Variants in SCNN1B observed in about 807,000 individuals in gnomAD.
SCNN1B encodes the protein sodium channel epithelial 1 subunit beta, also known as epithelial sodium channel subunit beta.
SCNN1B carries 46 observed loss-of-function variants against 65.3 expected under a neutral mutation model. The observed-to-expected ratio is 0.70, with a 90% CI of 0.56 to 0.90. The LOEUF is 0.90. Among genes scored for constraint, SCNN1B ranks in the 40% least tolerant of loss-of-function variants. The probability of loss-of-function intolerance (pLI) is 0.00; values close to 1 mark genes in which losing one functional copy is unlikely to be tolerated. For missense variants in SCNN1B, 751 were observed against 830.5 expected (o/e 0.90, Z 1.18); for synonymous variants, 349 against 330.6 (o/e 1.06, Z -0.60).
chr16:23,352,677 C>A, intron 2 of SCNN1B, 124 bp from the exon 3 acceptor site: 1 of 1,045,126 alleles, frequency 9.6e-7, no homozygotes, highest in African/African-American at 1.6e-5. Flanking sequence ...ATAAATTACC[C>A]AGTCTCAGGT....
intron 8 of SCNN1B, 110 bp from the exon 9 acceptor site, chr16:23,377,055 C>T: frequency 1.0e-6 from 1 of 972,780 alleles, no homozygotes; most frequent in Non-Finnish European, 1.6e-6. Context: ...CTCCTGCCAC[C>T]TAACCACAGG....
intron 7 of SCNN1B, 50 bp from the exon 8 acceptor site, chr16:23,375,688 T>A (rs370294425): frequency 1.8e-5 from 23 of 1,304,942 alleles, no homozygotes; most frequent in Non-Finnish European, 2.5e-5. Flanking sequence ...AATGGGGACA[T>A]CACTGACCAT....
rs1331627063 is a variant in SCNN1B, at chr16:23,348,959, C to T, written c.311+49C>T. On this transcript the variant is annotated intron_variant, in intron 2 of 12. Transcript: ENST00000343070. The surrounding 1 kb of genome is among the most constrained non-coding windows in gnomAD (Gnocchi z 4.5). ...CTGGCCTCAGCAGACAGGCGGTTCT[C>T]TTTCTCTCTTTTCTTCCCTTCTACC... The T allele has an allele frequency of 6.8e-7, 1 of 1,471,802 alleles. No homozygotes were observed. Among genetic ancestry groups the T allele is most frequent in the Non-Finnish European group, 9.5e-7 (1 of 1,051,424 alleles). The allele number at this position is 1,471,802 out of a possible 1,614,324, so 91.2% of individuals were successfully genotyped here.
At chr16:23,373,014 A>G (rs1388962985) in intron 7 of SCNN1B, among the ~76,000 whole-genome samples, 1 of 151,932 alleles carries the variant, frequency 6.6e-6, no homozygotes, top group African/African-American at 2.4e-5. Flanking sequence ...GGCTGAGGCA[A>G]GAGAATTGCT....
intron 1 of SCNN1B, among the ~76,000 whole-genome samples, chr16:23,342,600 T>C (rs966830664): frequency 8.5e-5 from 13 of 152,124 alleles, no homozygotes; most frequent in African/African-American, 2.9e-4. Context: ...CTGGACCACA[T>C]TGGAAGAAGA....
chr16:23,302,599 G>A (rs771274505), intron 1 of SCNN1B, among the ~76,000 whole-genome samples, 162 bp downstream of exon 1: 9 of 152,270 alleles, frequency 5.9e-5, no homozygotes, highest in East Asian at 1.9e-4. Flanking sequence ...CTGGGACCCG[G>A]CCTGGGGACT....
At chr16:23,356,454 A>T (rs146175862) in intron 4 of SCNN1B, among the ~76,000 whole-genome samples, 1 of 152,142 alleles carries the variant, frequency 6.6e-6, no homozygotes, top group Non-Finnish European at 1.5e-5. Context: ...GCGAGACCTC[A>T]TCTCTACAAA....
chr16:23,374,264 T>A (rs1405083745), intron 7 of SCNN1B, among the ~76,000 whole-genome samples: 4 of 34,064 alleles, frequency 1.2e-4, no homozygotes, highest in African/African-American at 4.2e-4. Flanking sequence ...AGACCCTGTC[T>A]CAGGAAAAAA....
chr16:23,357,055 C>T (rs1050141597), intron 4 of SCNN1B, among the ~76,000 whole-genome samples: 2 of 152,228 alleles, frequency 1.3e-5, no homozygotes, highest in Non-Finnish European at 2.9e-5. Flanking sequence ...CAGGTTTCAG[C>T]CAGTCCTGTT....
intron 3 of SCNN1B, 98 bp downstream of exon 3, chr16:23,353,172 G>A (rs1445636141): frequency 1.6e-5 from 22 of 1,383,250 alleles, no homozygotes; most frequent in East Asian, 1.2e-4. Context: ...CTGGGGGAAA[G>A]ACAAGATGGA....
At chr16:23,281,388 A>G (rs559361307) in intron 1 of SCNN1B, among the ~76,000 whole-genome samples, 213 of 152,256 alleles carry the variant, frequency 1.4e-3, no homozygotes, top group African/African-American at 4.5e-3. Flanking sequence ...AGCCAAGACC[A>G]CACCATTGCA....
chr16:23,357,058 G>A (rs764543720), intron 4 of SCNN1B, among the ~76,000 whole-genome samples: 4 of 152,234 alleles, frequency 2.6e-5, no homozygotes, highest in African/African-American at 7.2e-5. Context: ...GTTTCAGCCA[G>A]TCCTGTTTCT....
intron 1 of SCNN1B, among the ~76,000 whole-genome samples, chr16:23,306,683 A>G (rs554955630): frequency 4.6e-5 from 7 of 152,358 alleles, no homozygotes; most frequent in South Asian, 2.1e-4. Flanking sequence ...TAAAGGATGC[A>G]TAGGAGTTCT....
At chr16:23,349,935 T>C (rs1450320739) in intron 2 of SCNN1B, among the ~76,000 whole-genome samples, 1 of 151,902 alleles carries the variant, frequency 6.6e-6, no homozygotes, top group Non-Finnish European at 1.5e-5. Context: ...TCAACTCTAC[T>C]AAAAATACAG....
At chr16:23,305,865 T>C (rs1455794469) in intron 1 of SCNN1B, among the ~76,000 whole-genome samples, 1 of 151,856 alleles carries the variant, frequency 6.6e-6, no homozygotes, top group East Asian at 1.9e-4. Context: ...GGCCCACCCC[T>C]CATTCATAAA....
Position 23,380,590 on chromosome 16 carries a change from AC to A in SCNN1B, c.1713del (p.Tyr571Ter), listed in dbSNP as rs1460471478. 6.2e-7 allele frequency: 1 copy of A among 1,613,970 alleles called. No homozygotes were observed. Among genetic ancestry groups the A allele is most frequent in the Non-Finnish European group, 8.5e-7 (1 of 1,179,998 alleles). On this transcript the variant is annotated frameshift_variant, in exon 13 of 13. Transcript: ENST00000343070. LOFTEE classifies it high-confidence loss of function. The surrounding 1 kb of genome is among the most constrained non-coding windows in gnomAD (Gnocchi z 5.4). ...SLRQRRAQAS[Y>X]AGPPPTVAEL... ...CGGCAGCGGCGAGCCCAAGCCAGCTACGCTGGCCCACCGCCCACCGTGGCCG... is the reference window on the plus strand; with the variant it reads ...CGGCAGCGGCGAGCCCAAGCCAGCTAGCTGGCCCACCGCCCACCGTGGCCG...
At chr16:23,354,890 T>C (rs1242760532) in intron 3 of SCNN1B, among the ~76,000 whole-genome samples, 1 of 152,150 alleles carries the variant, frequency 6.6e-6, no homozygotes. Flanking sequence ...TGCCCATGCA[T>C]AATGGTACAA....
chr16:23,367,114 C>T (rs373042373), intron 4 of SCNN1B, among the ~76,000 whole-genome samples: 5 of 152,216 alleles, frequency 3.3e-5, no homozygotes, highest in South Asian at 4.2e-4. Context: ...CATTTGATTT[C>T]GGGCCCACCT....
At chr16:23,353,862 C>T (rs1962363136) in intron 3 of SCNN1B, among the ~76,000 whole-genome samples, 1 of 152,216 alleles carries the variant, frequency 6.6e-6, no homozygotes, top group Non-Finnish European at 1.5e-5. Context: ...AGGTCCCCTG[C>T]CCGTGTCTCA....
Sources: gnomAD v4.1 joint callset for allele counts (sites outside exome capture counted in the v4.1 genomes callset) on GRCh38, gnomAD v4.1.1 for gene constraint, Gnocchi (gnomAD v3.1) non-coding constraint, MANE v1.5 for transcripts, NCBI Gene and HGNC (gene_info 2026-07-23, HGNC 2026-07-21) for gene names.